Variants in PCDHGB3 observed in about 807,000 individuals in gnomAD.
The protein encoded by PCDHGB3 is protocadherin gamma subfamily B, 3.
PCDHGB3 carries 40 observed loss-of-function variants against 59.2 expected under a neutral mutation model. That is an observed-to-expected ratio of 0.68 (90% CI 0.52 to 0.88). The LOEUF is 0.88. Ranked by LOEUF, PCDHGB3 falls within the 40% of genes least tolerant of loss-of-function variation. The pLI is 0.00. For synonymous variants in PCDHGB3, 581 were observed against 503.6 expected (o/e 1.15, Z -2.06); for missense variants, 1,309 against 1,187.9 (o/e 1.10, Z -1.50).
chr5:141,382,701 T>G, intron 1 of PCDHGB3: 2 of 460,044 alleles, frequency 4.3e-6, no homozygotes, highest in Non-Finnish European at 7.6e-6. Flanking sequence ...GTGCGAGAGA[T>G]CCCACAGAAA....
intron 1 of PCDHGB3, among the ~76,000 whole-genome samples, chr5:141,445,077 T>C (rs778919022): frequency 5.9e-5 from 9 of 152,242 alleles, no homozygotes; most frequent in Non-Finnish European, 1.2e-4. Flanking sequence ...CTCATTAAAT[T>C]GTCCCTACAT....
chr5:141,399,937 G>A lies in PCDHGB3; in HGVS notation c.2415+27128G>A. 1.9e-6 allele frequency: 3 copies of A among 1,612,360 alleles called. No individual in the cohort carries two copies. The highest frequency in any genetic ancestry group is 2.5e-6 in the Non-Finnish European group (3 of 1,179,744). ...ACACAACGCCTGGCTGTCCTACCAC[G>A]TGCTGCAGGCTAGCGAGCCCGGGCT... On this transcript the variant is annotated intron_variant, in intron 1 of 3. Transcript: ENST00000576222.
At chr5:141,393,669 G>A in intron 1 of PCDHGB3, 1 of 1,613,886 alleles carries the variant, frequency 6.2e-7, no homozygotes, top group Non-Finnish European at 8.5e-7. Flanking sequence ...GAAAATTAAT[G>A]AAAAACAAAC....
At chr5:141,510,695 C>T (rs1023505006) in intron 3 of PCDHGB3, among the ~76,000 whole-genome samples, 1 of 152,166 alleles carries the variant, frequency 6.6e-6, no homozygotes, top group Non-Finnish European at 1.5e-5. Context: ...GTTAGGTAGA[C>T]TTGCCCAGGA....
intron 1 of PCDHGB3, chr5:141,392,605 CA>C (rs2092562177): frequency 1.9e-6 from 1 of 514,610 alleles, no homozygotes; most frequent in Admixed American, 3.7e-5. Context: ...TACTGGAAGA[CA>C]AATGCAACCG....
chr5:141,444,410 A>G (rs2098435910), intron 1 of PCDHGB3, among the ~76,000 whole-genome samples: 1 of 151,922 alleles, frequency 6.6e-6, no homozygotes, highest in African/African-American at 2.4e-5. Flanking sequence ...ACCTCAGGTG[A>G]TCTTCCCTCC....
Position 141,477,265 on chromosome 5 carries a change from G to T in PCDHGB3, c.2416-17542G>T. On this transcript the variant is annotated intron_variant, in intron 1 of 3. Coordinates refer to ENST00000576222, the MANE Select transcript of PCDHGB3 (RefSeq NM_018924.5). The surrounding 1 kb of genome is among the most constrained non-coding windows in gnomAD (Gnocchi z 4.9). ...GTGTGACTGACCTGGATGCTGGCGA[G>T]AACGGGCTGGTGACCTGCGAAGTTC... 6.2e-7 allele frequency: 1 copy of T among 1,614,198 alleles called. No individual in the cohort carries two copies. Among genetic ancestry groups the T allele is most frequent in the Non-Finnish European group, 8.5e-7 (1 of 1,180,044 alleles).
chr5:141,409,759 C>A, intron 1 of PCDHGB3: 1 of 1,612,958 alleles, frequency 6.2e-7, no homozygotes, highest in Non-Finnish European at 8.5e-7. Flanking sequence ...CGCAGCGCGC[C>A]TTTGATCACG....
Position 141,431,168 on chromosome 5 carries a change from G to A in PCDHGB3, c.2415+58359G>A, listed in dbSNP as rs779778442. On this transcript the variant is annotated intron_variant, in intron 1 of 3. Coordinates refer to ENST00000576222, the MANE Select transcript of PCDHGB3 (RefSeq NM_018924.5). This position sits in a 1 kb window ranked among gnomAD's most constrained non-coding sequence, Gnocchi z 4.8. Reference sequence around the variant, plus strand: ...CAATGCGCCTTACTTTCGTGAAAGTGAATTAGAAATAAAAATTAGTGAAAA... The same window carrying A: ...CAATGCGCCTTACTTTCGTGAAAGTAAATTAGAAATAAAAATTAGTGAAAA... The A allele has an allele frequency of 9.9e-6, 16 of 1,614,206 alleles. No individual in the cohort carries two copies. The Admixed American group carries it at 1.2e-4, about 12-fold the overall frequency.
chr5:141,465,430 C>T (rs1212434943), intron 1 of PCDHGB3, among the ~76,000 whole-genome samples: 2 of 152,150 alleles, frequency 1.3e-5, no homozygotes, highest in Non-Finnish European at 2.9e-5. Context: ...AAGGTGGGCA[C>T]TTAATGATTA....
chr5:141,402,921 T>C (rs1486440819), intron 1 of PCDHGB3: 1 of 1,575,122 alleles, frequency 6.3e-7, no homozygotes. Context: ...CGCACAGAGA[T>C]CCTTTTGAGA....
At chr5:141,379,981 C>T (rs968805615) in intron 1 of PCDHGB3, among the ~76,000 whole-genome samples, 16 of 135,132 alleles carry the variant, frequency 1.2e-4, no homozygotes, top group Non-Finnish European at 2.3e-4. Context: ...CTCACTGCAA[C>T]TTCCTCCTCC....
rs1263728099 is a variant in PCDHGB3, at chr5:141,476,079, G to T, written c.2416-18728G>T. Reference sequence around the variant, plus strand: ...AGTTTCTCAGCGAAATCTCAGGGACGATCTGGACCCCGCTGAGAGGAACTG... The same window carrying T: ...AGTTTCTCAGCGAAATCTCAGGGACTATCTGGACCCCGCTGAGAGGAACTG... On this transcript the variant is annotated intron_variant, in intron 1 of 3. Coordinates refer to ENST00000576222, the MANE Select transcript of PCDHGB3 (RefSeq NM_018924.5). This position sits in a 1 kb window ranked among gnomAD's most constrained non-coding sequence, Gnocchi z 7.6. 3 of 1,537,560 alleles carry T rather than the reference G, an allele frequency of 2.0e-6. No homozygotes were observed. Among genetic ancestry groups the T allele is most frequent in the African/African-American group, 1.4e-5 (1 of 72,808 alleles).
chr5:141,407,123 C>T (rs1271155338), intron 1 of PCDHGB3, among the ~76,000 whole-genome samples: 2 of 152,078 alleles, frequency 1.3e-5, no homozygotes, highest in East Asian at 3.8e-4. Context: ...GTTTCAGTTG[C>T]TTTATTTTTA....
chr5:141,501,288 T>TATACACATAC (rs201660636), intron 2 of PCDHGB3, among the ~76,000 whole-genome samples: 2 of 81,228 alleles, frequency 2.5e-5, no homozygotes, highest in African/African-American at 9.9e-5. Flanking sequence ...GATATTCCCT[T>TATACACATAC]ATACACACAC....
chr5:141,491,723 G>C lies in PCDHGB3; in HGVS notation c.2416-3084G>C. The C allele has an allele frequency of 1.2e-6, 2 of 1,606,770 alleles. No homozygotes were observed. The highest frequency in any genetic ancestry group is 1.7e-6 in the Non-Finnish European group (2 of 1,177,028). On this transcript the variant is annotated intron_variant, in intron 1 of 3. Transcript: ENST00000576222. The surrounding 1 kb of genome is among the most constrained non-coding windows in gnomAD (Gnocchi z 6.9). The stretch of plus-strand genomic sequence containing the variant: ...CAGGTGAGGGGCTCGGCGCCGCCCC[G>C]GGCGACCCCTGGGGGCGGCACTGGA...
chr5:141,415,041 G>T, intron 1 of PCDHGB3: 1 of 1,613,530 alleles, frequency 6.2e-7, no homozygotes, highest in Non-Finnish European at 8.5e-7. Flanking sequence ...GACTCTTCGC[G>T]GTGGGGGAGC....
Position 141,395,117 on chromosome 5 carries a change from G to C in PCDHGB3, c.2415+22308G>C. 4 of 1,614,192 alleles carry C rather than the reference G, an allele frequency of 2.5e-6. No homozygotes were observed. The South Asian group carries it at 4.4e-5, about 18-fold the overall frequency. ...CCGCCGACTCGCGGAAGAGTCACCT[G>C]ATCTTTCCCCAGCCCAACTACGCAG... On this transcript the variant is annotated intron_variant, in intron 1 of 3. Coordinates refer to ENST00000576222, the MANE Select transcript of PCDHGB3 (RefSeq NM_018924.5).
Position 141,486,998 on chromosome 5 carries a change from C to G in PCDHGB3, c.2416-7809C>G, listed in dbSNP as rs754609128. On this transcript the variant is annotated intron_variant, in intron 1 of 3. Coordinates refer to ENST00000576222, the MANE Select transcript of PCDHGB3 (RefSeq NM_018924.5). The surrounding 1 kb of genome is among the most constrained non-coding windows in gnomAD (Gnocchi z 5.0). ...AGGTTACAATGCTTGGGTTTCCTAT[C>G]AGCTCCTGGAGGCCCCAGATCCCAG... The G allele has an allele frequency of 6.2e-7, 1 of 1,614,206 alleles. No homozygotes were observed. Among genetic ancestry groups the G allele is most frequent in the Non-Finnish European group, 8.5e-7 (1 of 1,180,034 alleles).
Sources: allele counts gnomAD v4.1 joint callset (sites outside exome capture counted in the v4.1 genomes callset), GRCh38; gene constraint gnomAD v4.1.1; non-coding constraint Gnocchi (gnomAD v3.1); transcripts MANE v1.5; gene names NCBI Gene and HGNC (gene_info 2026-07-23, HGNC 2026-07-21).